The following PSPC1 variants were observed in gnomAD, a reference collection of about 807,000 sequenced individuals.
PSPC1 encodes paraspeckle component 1, also known as paraspeckle protein 1.
Under a neutral mutation model 51.6 loss-of-function variants are expected in PSPC1, and 14 were observed. The observed-to-expected ratio is 0.27, with a 90% CI of 0.18 to 0.42. The LOEUF (loss-of-function observed/expected upper bound fraction) is 0.42, where lower values mean the gene tolerates loss of function less well. Among genes scored for constraint, PSPC1 ranks in the 10% least tolerant of loss-of-function variants. The pLI is 1.00. For synonymous variants in PSPC1, 193 were observed against 231.9 expected (o/e 0.83, Z 1.53); for missense variants, 406 against 701.1 (o/e 0.58, Z 4.75).
intron 5 of PSPC1, 45 bp downstream of exon 5, chr13:19,741,520 T>A (rs1420723796): frequency 2.9e-6 from 4 of 1,357,766 alleles, no homozygotes; most frequent in Non-Finnish European, 4.1e-6. Context: ...GAGTTTTTAT[T>A]AATAAGACAT....
intron 6 of PSPC1, among the ~76,000 whole-genome samples, chr13:19,727,154 G>A (rs188877302): frequency 1.4e-4 from 22 of 152,310 alleles, no homozygotes; most frequent in South Asian, 8.3e-4. Flanking sequence ...AGCATTTTGG[G>A]AAGCCAAGGC....
intron 6 of PSPC1, among the ~76,000 whole-genome samples, chr13:19,682,828 G>T (rs921970039): frequency 6.6e-6 from 1 of 151,936 alleles, no homozygotes; most frequent in African/African-American, 2.4e-5. Flanking sequence ...CTGGAAGGCC[G>T]AGGTGGGAGA....
chr13:19,696,552 A>T (rs780677681), intron 6 of PSPC1, among the ~76,000 whole-genome samples: 13 of 152,122 alleles, frequency 8.5e-5, no homozygotes, highest in Non-Finnish European at 1.6e-4. Flanking sequence ...GCTACAAAGA[A>T]AATATTTTAA....
intron 5 of PSPC1, among the ~76,000 whole-genome samples, chr13:19,733,114 A>C (rs1374935475): frequency 6.6e-6 from 1 of 152,190 alleles, no homozygotes; most frequent in Non-Finnish European, 1.5e-5. Flanking sequence ...GGACATATGT[A>C]TACACAGATA....
intron 6 of PSPC1, among the ~76,000 whole-genome samples, chr13:19,694,842 C>T (rs1451652204): frequency 1.3e-5 from 2 of 152,180 alleles, no homozygotes; most frequent in African/African-American, 4.8e-5. Context: ...TTTTCTTTCC[C>T]CTTTGTCTCC....
intron 4 of PSPC1, among the ~76,000 whole-genome samples, chr13:19,743,286 C>G (rs1566018623): frequency 6.6e-6 from 1 of 152,118 alleles, no homozygotes; most frequent in South Asian, 2.1e-4. Context: ...CTAAAGTGAA[C>G]AAATTACCTC....
At chr13:19,755,962 C>A (rs754550034) in intron 3 of PSPC1, among the ~76,000 whole-genome samples, 51 of 152,108 alleles carry the variant, frequency 3.4e-4, no homozygotes, top group Non-Finnish European at 1.2e-4. Context: ...GTGGGCCGGG[C>A]GCAGTGGCTC....
In PSPC1 at chr13:19,777,925, G is replaced by A. The variant is rs183651362; in HGVS notation, c.372+4461C>T. On this transcript the variant is annotated intron_variant, in intron 1 of 8. Transcript: ENST00000338910. The stretch of plus-strand genomic sequence containing the variant: ...CGCGCTACTGCACTCCAGCCTGGGC[G>A]ACAGAGTGAGACTCCCTCTCAAAAA... Among the ~76,000 whole-genome samples the A allele has an allele frequency of 5.1e-3, 761 of 150,338 alleles. 6 individuals are homozygous for A. Among genetic ancestry groups the A allele is most frequent in the Middle Eastern group, 0.026 (7 of 266 alleles).
intron 6 of PSPC1, among the ~76,000 whole-genome samples, chr13:19,712,271 C>G (rs184918957): frequency 6.6e-6 from 1 of 152,130 alleles, no homozygotes; most frequent in Admixed American, 6.5e-5. Context: ...TATCTAACCA[C>G]TAATATAGGG....
At chr13:19,688,083 A>G (rs1878132496) in intron 6 of PSPC1, among the ~76,000 whole-genome samples, 1 of 152,094 alleles carries the variant, frequency 6.6e-6, no homozygotes, top group African/African-American at 2.4e-5. Context: ...CACACTCACT[A>G]AGATAGATAC....
At position 19,730,307 on chromosome 13, in the gene PSPC1, T is replaced by C. The variant is rs1883887815; in HGVS notation, c.1090A>G (p.Ile364Val). 1.2e-6 allele frequency: 2 copies of C among 1,614,154 alleles called. No homozygotes were observed. Among genetic ancestry groups the C allele is most frequent in the Non-Finnish European group, 1.7e-6 (2 of 1,180,022 alleles). The change falls in exon 6 of 9, where the codon ATC (isoleucine) becomes GTC (valine). Residue 364 changes from isoleucine (I) to valine (V), a missense_variant. By Grantham distance (29) the Ile-to-Val change is conservative. This residue lies in a region of PSPC1 where 61 missense variants were observed against 78.4 expected (regional missense o/e 0.78). Transcript: ENST00000338910. ...EEHRRREEEM[I>V]RHREQEELRR... is the part of the protein sequence containing the mutation. ...AGTTCCTCCTGTTCTCTGTGTCGGA[T>C]CATTTCTTCCTCACGCCGCCGATGC...
chr13:19,720,090 A>G (rs887486984), intron 6 of PSPC1, among the ~76,000 whole-genome samples: 1 of 152,240 alleles, frequency 6.6e-6, no homozygotes, highest in Non-Finnish European at 1.5e-5. Context: ...AAATTGATTA[A>G]TAGTATTTAA....
intron 6 of PSPC1, among the ~76,000 whole-genome samples, chr13:19,723,413 C>A (rs1883008273): frequency 6.6e-6 from 1 of 152,048 alleles, no homozygotes; most frequent in Non-Finnish European, 1.5e-5. Flanking sequence ...CACAGAAAAC[C>A]ATTACTAATA....
At chr13:19,709,033 A>G (rs1232437002) in intron 7 of PSPC1, among the ~76,000 whole-genome samples, 4 of 151,868 alleles carry the variant, frequency 2.6e-5, no homozygotes, top group African/African-American at 9.7e-5. Flanking sequence ...GCGTGGTGGC[A>G]CATGCCTGTA....
rs189863222 is a variant in PSPC1 at position 19,683,674 on chromosome 13, A to C, written c.1159-5851T>G. On this transcript the variant is annotated intron_variant and NMD_transcript_variant, in intron 6 of 7. Transcript: ENST00000471658. ...AAATTATTTGTAAGTTCATGTAGCA[A>C]CTCAACGTTGAGAAATAAATACCTA... is the stretch of plus-strand genomic sequence containing the variant. 2.3e-4 allele frequency among the ~76,000 whole-genome samples: 35 copies of C among 152,320 alleles called. No homozygotes were observed. The East Asian group carries it at 6.0e-3, about 26-fold the overall frequency.
chr13:19,676,651 C>T (rs1876670868), intron 7 of PSPC1, among the ~76,000 whole-genome samples: 1 of 152,138 alleles, frequency 6.6e-6, no homozygotes, highest in Admixed American at 6.5e-5. Flanking sequence ...CACTTCATTT[C>T]CAAGAAGCTC....
intron 5 of PSPC1, among the ~76,000 whole-genome samples, chr13:19,736,177 GC>G (rs2137986060): frequency 6.6e-6 from 1 of 152,034 alleles, no homozygotes; most frequent in East Asian, 1.9e-4. Flanking sequence ...GATTCTTACA[GC>G]TAATTTCAAA....
downstream of PSPC1, chr13:19,671,992 GT>G: frequency 2.0e-6 from 2 of 1,021,230 alleles, no homozygotes; most frequent in Non-Finnish European, 3.0e-6. Context: ...ACCTCTTGCA[GT>G]TAAGCCTGTT....
intron 1 of PSPC1, among the ~76,000 whole-genome samples, chr13:19,781,595 ACT>A (rs1033646745): frequency 2.0e-5 from 3 of 152,120 alleles, no homozygotes; most frequent in African/African-American, 7.2e-5. Flanking sequence ...ACAATTAAAC[ACT>A]GTCTCATTAC....
Sources: gnomAD v4.1 joint callset for allele counts (sites outside exome capture counted in the v4.1 genomes callset) on GRCh38, gnomAD v4.1.1 for gene constraint, gnomAD v4.1.1 regional missense constraint, MANE v1.5 for transcripts, NCBI Gene and HGNC (gene_info 2026-07-23, HGNC 2026-07-21) for gene names.